GBE1: variants seen among roughly 807,000 people sequenced by gnomAD.
The protein encoded by GBE1 is 1,4-alpha-glucan branching enzyme 1, also known as 1,4-alpha-glucan-branching enzyme.
In GBE1, 70 loss-of-function variants were observed where a neutral mutation model predicts 88.8. The ratio of observed to expected loss-of-function variants is 0.79; its 90% CI spans 0.65 to 0.96. GBE1 has a LOEUF of 0.96. Among genes scored for constraint, GBE1 ranks in the 40% least tolerant of loss-of-function variants. The pLI is 0.00. For synonymous variants in GBE1, 284 were observed against 300.1 expected, an observed-to-expected ratio of 0.95 and a Z score of 0.56; for missense variants, 872 against 871.0, an observed-to-expected ratio of 1.00 and a Z score of -0.01.
At chr3:81,568,250 T>G (rs751892912) in intron 12 of GBE1, among the ~76,000 whole-genome samples, 4 of 151,894 alleles carry the variant, frequency 2.6e-5, no homozygotes, top group Admixed American at 1.3e-4. Flanking sequence ...CGGGTTCAAG[T>G]GATTCTACTG....
chr3:81,542,637 T>C (rs1165963138), intron 12 of GBE1, among the ~76,000 whole-genome samples: 1 of 152,050 alleles, frequency 6.6e-6, no homozygotes, highest in Non-Finnish European at 1.5e-5. Flanking sequence ...GTCATTTCAA[T>C]ACCATATAAT....
intron 7 of GBE1, among the ~76,000 whole-genome samples, chr3:81,628,634 C>A (rs1159977536): frequency 6.6e-6 from 1 of 150,874 alleles, no homozygotes; most frequent in Non-Finnish European, 1.5e-5. Context: ...TTTGAAAATT[C>A]ATGACAAAAC....
At chr3:81,547,729 A>T (rs1703226517) in intron 12 of GBE1, among the ~76,000 whole-genome samples, 1 of 148,750 alleles carries the variant, frequency 6.7e-6, no homozygotes, top group Non-Finnish European at 1.5e-5. Context: ...CTCCTCTGTA[A>T]AGGTTTGATT....
chr3:81,551,465 C>T (rs943055681), intron 12 of GBE1, among the ~76,000 whole-genome samples: 4 of 152,246 alleles, frequency 2.6e-5, no homozygotes, highest in East Asian at 3.9e-4. Context: ...AGCTGGGAAC[C>T]GCTTCTATTC....
chr3:81,753,175 C>G (rs1206153624), intron 1 of GBE1, among the ~76,000 whole-genome samples: 2 of 152,268 alleles, frequency 1.3e-5, no homozygotes, highest in African/African-American at 4.8e-5. Context: ...TCTACATAAT[C>G]ATGTGTTTAA....
intron 7 of GBE1, among the ~76,000 whole-genome samples, chr3:81,631,311 A>AT (rs1704505275): frequency 6.6e-6 from 1 of 152,202 alleles, no homozygotes. Flanking sequence ...CACTTAAAAC[A>AT]TAAGTGGAGG....
intron 12 of GBE1, among the ~76,000 whole-genome samples, chr3:81,563,919 G>T (rs556677277): frequency 1.4e-5 from 2 of 141,158 alleles, no homozygotes; most frequent in East Asian, 2.5e-4. Context: ...GGGAGGGAGG[G>T]AGTGAGGGAG....
At chr3:81,603,560 G>A (rs561103974) in intron 7 of GBE1, among the ~76,000 whole-genome samples, 6 of 151,756 alleles carry the variant, frequency 4.0e-5, no homozygotes, top group Non-Finnish European at 7.4e-5. Context: ...GTGCAGTGGC[G>A]CAATCTTGCC....
chr3:81,581,373 T>C, intron 10 of GBE1, 98 bp from the exon 11 acceptor site: 1 of 689,494 alleles, frequency 1.5e-6, no homozygotes, highest in Non-Finnish European at 2.5e-6. Context: ...GTGCAAACTA[T>C]TTGATAAGCA....
At chr3:81,497,777 C>T (rs929444319) in intron 15 of GBE1, among the ~76,000 whole-genome samples, 15 of 152,266 alleles carry the variant, frequency 9.9e-5, no homozygotes, top group African/African-American at 3.6e-4. Flanking sequence ...CAATGACTCC[C>T]CTTTGTGAGC....
intron 7 of GBE1, among the ~76,000 whole-genome samples, chr3:81,628,431 C>T (rs1704450194): frequency 6.6e-6 from 1 of 151,946 alleles, no homozygotes; most frequent in Non-Finnish European, 1.5e-5. Context: ...AGGGCAAGAG[C>T]TCTGGGAAAT....
intron 7 of GBE1, among the ~76,000 whole-genome samples, chr3:81,627,980 T>G (rs1704442601): frequency 6.6e-6 from 1 of 151,934 alleles, no homozygotes; most frequent in Admixed American, 6.6e-5. Flanking sequence ...TTTAATATTT[T>G]AAATCTTATA....
At chr3:81,678,415 C>A (rs547110477) in intron 2 of GBE1, among the ~76,000 whole-genome samples, 9 of 152,114 alleles carry the variant, frequency 5.9e-5, no homozygotes, top group Admixed American at 4.6e-4. Context: ...GTTTTATTAT[C>A]AAAAAACTGT....
intron 12 of GBE1, among the ~76,000 whole-genome samples, chr3:81,539,683 G>A (rs1473634508): frequency 6.6e-6 from 1 of 151,984 alleles, no homozygotes; most frequent in Non-Finnish European, 1.5e-5. Flanking sequence ...CTGACTGAAT[G>A]GCGACAGTGA....
chr3:81,560,547 G>A (rs78231148), intron 12 of GBE1, among the ~76,000 whole-genome samples: 96 of 152,010 alleles, frequency 6.3e-4, no homozygotes, highest in Middle Eastern at 6.8e-3. Flanking sequence ...AAAGATTAAA[G>A]TTCTGAAAAG....
intron 2 of GBE1, among the ~76,000 whole-genome samples, chr3:81,672,967 T>G (rs1705208670): frequency 6.6e-6 from 1 of 151,892 alleles, no homozygotes; most frequent in Admixed American, 6.6e-5. Context: ...ATAAAGGTTC[T>G]TCTAAACAGT....
intron 3 of GBE1, chr3:81,655,108 CA>C (rs1250149999): frequency 6.6e-6 from 1 of 151,998 alleles, no homozygotes; most frequent in Non-Finnish European, 1.5e-5. Context: ...ATAGCCATAC[CA>C]GTGTACAATG....
intron 7 of GBE1, among the ~76,000 whole-genome samples, chr3:81,602,843 A>G (rs556744112): frequency 1.3e-5 from 2 of 152,314 alleles, no homozygotes; most frequent in South Asian, 4.1e-4. Context: ...GAATTTTTCT[A>G]TTCAAAGAAA....
intron 1 of GBE1, among the ~76,000 whole-genome samples, chr3:81,713,559 ATAAAG>A (rs1175660848): frequency 2.0e-5 from 3 of 152,342 alleles, no homozygotes; most frequent in Admixed American, 2.0e-4. Flanking sequence ...CCATAAATTA[ATAAAG>A]TATTTATTAA....
Sources: allele counts gnomAD v4.1 joint callset (sites outside exome capture counted in the v4.1 genomes callset), GRCh38; gene constraint gnomAD v4.1.1; transcripts MANE v1.5; gene names NCBI Gene and HGNC (gene_info 2026-07-23, HGNC 2026-07-21).